TNIK: variants seen among roughly 807,000 people sequenced by gnomAD.
TNIK encodes TRAF2 and NCK-interacting protein kinase.
A neutral mutation model predicts 191.3 loss-of-function variants in TNIK; 49 were observed. The ratio of observed to expected loss-of-function variants is 0.26; its 90% CI spans 0.20 to 0.32. The LOEUF (loss-of-function observed/expected upper bound fraction) is 0.32, where lower values mean the gene tolerates loss of function less well. Ranked by LOEUF, TNIK falls within the 10% of genes least tolerant of loss-of-function variation. The probability of loss-of-function intolerance (pLI) is 1.00; values close to 1 mark genes in which losing one functional copy is unlikely to be tolerated. For synonymous variants in TNIK, 594 were observed against 600.9 expected (o/e 0.99, Z 0.17); for missense variants, 1,155 against 1,702.3 (o/e 0.68, Z 5.66).
intron 1 of TNIK, among the ~76,000 whole-genome samples, chr3:171,419,609 C>A (rs966398886): frequency 1.3e-5 from 2 of 152,194 alleles, no homozygotes; most frequent in African/African-American, 4.8e-5. Context: ...GCTCAGATCC[C>A]AGTGCTCCCA....
At chr3:171,144,748 T>C (rs947235152) in intron 12 of TNIK, among the ~76,000 whole-genome samples, 3 of 152,196 alleles carry the variant, frequency 2.0e-5, no homozygotes, top group Non-Finnish European at 4.4e-5. Context: ...TTGCACCCAT[T>C]GACCAGTCTC....
chr3:171,272,368 C>G (rs1269155421), intron 2 of TNIK, among the ~76,000 whole-genome samples: 1 of 152,202 alleles, frequency 6.6e-6, no homozygotes, highest in Non-Finnish European at 1.5e-5. Flanking sequence ...GAAATGTTCA[C>G]ATTTAAATTA....
chr3:171,296,714 A>G (rs556950126), intron 2 of TNIK, among the ~76,000 whole-genome samples: 21 of 152,198 alleles, frequency 1.4e-4, no homozygotes, highest in Non-Finnish European at 2.9e-4. Flanking sequence ...TATTGAAGAT[A>G]AGTAAGGTAC....
intron 3 of TNIK, among the ~76,000 whole-genome samples, chr3:171,227,958 C>T (rs1743148890): frequency 6.6e-6 from 1 of 152,176 alleles, no homozygotes; most frequent in African/African-American, 2.4e-5. Context: ...TGATAAATGA[C>T]TTTGCCCAAC....
chr3:171,179,300 A>G (rs2108793805), intron 7 of TNIK, among the ~76,000 whole-genome samples: 1 of 152,356 alleles, frequency 6.6e-6, no homozygotes, highest in East Asian at 1.9e-4. Context: ...TCTCTGGCCT[A>G]GCAAGTGACT....
At chr3:171,206,866 T>C (rs1740160629) in intron 4 of TNIK, among the ~76,000 whole-genome samples, 1 of 152,018 alleles carries the variant, frequency 6.6e-6, no homozygotes, top group Non-Finnish European at 1.5e-5. Context: ...ACACCCCAAT[T>C]ACCCCAATTT....
intron 17 of TNIK, 148 bp downstream of exon 17, chr3:171,125,764 A>T: frequency 8.3e-7 from 1 of 1,211,192 alleles, no homozygotes. Context: ...AGTCTTAGCC[A>T]GGGAATGAAG....
chr3:171,429,124 T>A (rs374566616), intron 1 of TNIK, among the ~76,000 whole-genome samples: 5 of 152,208 alleles, frequency 3.3e-5, no homozygotes, highest in African/African-American at 1.2e-4. Context: ...TTAGAAGTCA[T>A]CCTGCCCTAC....
At chr3:171,128,917 A>T in intron 15 of TNIK, 39 bp from the exon 16 acceptor site, 1 of 1,488,706 alleles carries the variant, frequency 6.7e-7, no homozygotes, top group Non-Finnish European at 8.9e-7. Context: ...AGACAGCCTC[A>T]ATGTATAGAA....
At chr3:171,378,503 G>T (rs1025020165) in intron 1 of TNIK, among the ~76,000 whole-genome samples, 1 of 152,048 alleles carries the variant, frequency 6.6e-6, no homozygotes, top group Non-Finnish European at 1.5e-5. Context: ...AAAAGTGTTC[G>T]CTAAAAATTC....
At chr3:171,454,192 G>T (rs189537353) in intron 1 of TNIK, among the ~76,000 whole-genome samples, 44 of 152,320 alleles carry the variant, frequency 2.9e-4, no homozygotes, top group Non-Finnish European at 5.4e-4. Flanking sequence ...ATCAGAGACT[G>T]GTTGTGCTCA....
chr3:171,085,327 CT>C, intron 24 of TNIK, 98 bp from the exon 25 acceptor site: 1 of 1,168,494 alleles, frequency 8.6e-7, no homozygotes, highest in Non-Finnish European at 1.2e-6. Flanking sequence ...ATCACAGATT[CT>C]TCAAGGTATT....
intron 4 of TNIK, among the ~76,000 whole-genome samples, chr3:171,207,263 C>T (rs1158203385): frequency 6.6e-6 from 1 of 152,104 alleles, no homozygotes; most frequent in Non-Finnish European, 1.5e-5. Flanking sequence ...TAGTATTTTC[C>T]ACATGGCTGT....
At chr3:171,148,908 T>C (rs183808842) in intron 12 of TNIK, among the ~76,000 whole-genome samples, 2 of 152,294 alleles carry the variant, frequency 1.3e-5, no homozygotes, top group East Asian at 3.9e-4. Flanking sequence ...GGAAAGATTA[T>C]ATGTTAAACA....
At chr3:171,363,157 C>A (rs1226542306) in intron 2 of TNIK, among the ~76,000 whole-genome samples, 2 of 152,156 alleles carry the variant, frequency 1.3e-5, no homozygotes, top group African/African-American at 2.4e-5. Context: ...TGCTATATAT[C>A]TTGCAATGCA....
intron 1 of TNIK, among the ~76,000 whole-genome samples, chr3:171,385,256 G>A (rs1718571074): frequency 6.6e-6 from 1 of 152,060 alleles, no homozygotes; most frequent in South Asian, 2.1e-4. Flanking sequence ...AGTGGGAGGG[G>A]ACACCAGCTG....
chr3:171,353,059 ATTC>A (rs1219422447), intron 2 of TNIK, among the ~76,000 whole-genome samples: 12 of 152,242 alleles, frequency 7.9e-5, no homozygotes, highest in African/African-American at 1.7e-4. Flanking sequence ...GAGCAGAATA[ATTC>A]TTTTCTACCT....
At chr3:171,345,614 C>T (rs1794) in intron 2 of TNIK, among the ~76,000 whole-genome samples, 1 of 152,098 alleles carries the variant, frequency 6.6e-6, no homozygotes, top group Non-Finnish European at 1.5e-5. Context: ...CCCTCACCCT[C>T]AAGCCTAGGC....
At chr3:171,219,086 ATATAAATATATAAT>A (rs1446190497) in intron 3 of TNIK, among the ~76,000 whole-genome samples, 3 of 131,990 alleles carry the variant, frequency 2.3e-5, no homozygotes, top group East Asian at 2.0e-4. Flanking sequence ...TATATATTTT[ATATAAATATATAAT>A]TATAAATATA....
Sources: gnomAD v4.1 joint callset for allele counts (sites outside exome capture counted in the v4.1 genomes callset) on GRCh38, gnomAD v4.1.1 for gene constraint, MANE v1.5 for transcripts, NCBI Gene and HGNC (gene_info 2026-07-23, HGNC 2026-07-21) for gene names.